Variants in ELK3 observed in about 807,000 individuals in gnomAD.
The protein encoded by ELK3 is ETS transcription factor ELK3.
A neutral mutation model predicts 28.9 loss-of-function variants in ELK3; 10 were observed. The ratio of observed to expected loss-of-function variants is 0.35; its 90% CI spans 0.21 to 0.59. The LOEUF is 0.59. Ranked by LOEUF, ELK3 falls within the 20% of genes least tolerant of loss-of-function variation. ELK3 has a pLI of 0.82. For missense variants in ELK3, 463 were observed against 517.3 expected, an observed-to-expected ratio of 0.90 and a Z score of 1.02; for synonymous variants, 272 against 243.5, an observed-to-expected ratio of 1.12 and a Z score of -1.09.
chr12:96,247,438 G>A lies in ELK3; in HGVS notation c.706G>A (p.Ala236Thr), dbSNP rs752081794. ...MLPNAASISS[A>T]SPFSSRSPSL... ...GCCAAACGCTGCCAGTATTTCATCC[G>A]CCTCACCCTTCTCATCTCGGTCCCC... Residue 236 changes from alanine to threonine, a missense_variant, in exon 3 of 5, where the codon GCC becomes ACC. Physicochemically the swap from Ala to Thr is moderately conservative, Grantham distance 58 (BLOSUM62 0). Around this residue, in one of 2 missense-constraint regions of ELK3, gnomAD observed 408 missense variants for 414.8 expected, o/e 0.98. Transcript: ENST00000228741. This position sits in a 1 kb window ranked among gnomAD's most constrained non-coding sequence, Gnocchi z 5.5. 6.8e-6 allele frequency: 11 copies of A among 1,613,828 alleles called. No individual in the cohort carries two copies. The East Asian group carries it at 8.9e-5, about 13-fold the overall frequency.
intron 2 of ELK3, among the ~76,000 whole-genome samples, chr12:96,245,414 C>T (rs1403075604): frequency 2.0e-5 from 3 of 152,108 alleles, no homozygotes; most frequent in Non-Finnish European, 4.4e-5. Flanking sequence ...CTCTCCATCC[C>T]TGGGATCTTG....
At position 96,267,549 on chromosome 12, in the gene ELK3, C is replaced by CTA. The variant is rs1952045588; in HGVS notation, c.*372_*373dup. 1 of 156,834 alleles carries CTA rather than the reference C, an allele frequency of 6.4e-6. No individual in the cohort carries two copies. Among genetic ancestry groups the CTA allele is most frequent in the African/African-American group, 2.4e-5 (1 of 41,496 alleles). 9.7% of individuals were successfully genotyped at this position (156,834 alleles called of 1,614,324 possible). A position where few individuals can be genotyped will look rare whatever the true frequency, so the allele number is the denominator to read the frequency against. On this transcript the variant is annotated 3_prime_UTR_variant, in exon 5 of 5. Transcript: ENST00000228741. ...ATGCTAAACTGTGTGCTTATATAGACTATAACCAGTTGTGCCTTCCTTCGC... is the reference window on the plus strand; with the variant it reads ...ATGCTAAACTGTGTGCTTATATAGACTATATAACCAGTTGTGCCTTCCTTCGC...
chr12:96,219,960 G>A (rs762442342), intron 1 of ELK3, among the ~76,000 whole-genome samples: 1 of 152,172 alleles, frequency 6.6e-6, no homozygotes, highest in Non-Finnish European at 1.5e-5. Flanking sequence ...CCTCAGACAG[G>A]AGAGGCTGGA....
intron 1 of ELK3, among the ~76,000 whole-genome samples, chr12:96,199,257 G>A (rs1281419049): frequency 6.6e-6 from 1 of 152,136 alleles, no homozygotes; most frequent in Non-Finnish European, 1.5e-5. Context: ...AGAGGAAGGT[G>A]TGTTTTGTAC....
intron 3 of ELK3, among the ~76,000 whole-genome samples, chr12:96,256,096 TG>T (rs1357843565): frequency 6.6e-6 from 1 of 152,094 alleles, no homozygotes; most frequent in Non-Finnish European, 1.5e-5. Flanking sequence ...GATTTGGCGA[TG>T]GGGTACAGAA....
chr12:96,221,788 G>T (rs959875527), intron 1 of ELK3, among the ~76,000 whole-genome samples: 6 of 152,172 alleles, frequency 3.9e-5, no homozygotes, highest in African/African-American at 1.4e-4. Context: ...GACCATTGTG[G>T]TTAATACTGA....
At chr12:96,232,431 A>T (rs901647273) in intron 2 of ELK3, among the ~76,000 whole-genome samples, 7 of 151,916 alleles carry the variant, frequency 4.6e-5, no homozygotes, top group Non-Finnish European at 8.8e-5. Context: ...TTAGCTGGGC[A>T]TGGTGGTGTG....
At position 96,269,218 on chromosome 12, in the gene ELK3, AAAAC is replaced by A. The variant is rs1266317084; in HGVS notation, c.*2046_*2049del. ...TGGTTCAAAACTACGTGTTATTAGT[AAAAC>A]AAACAAAACAGATAAAGACAGCATT... On this transcript the variant is annotated 3_prime_UTR_variant, in exon 5 of 5. Coordinates refer to ENST00000228741, the MANE Select transcript of ELK3 (RefSeq NM_005230.4). 4 of 152,230 alleles carry A rather than the reference AAAAC, an allele frequency of 2.6e-5. No individual in the cohort carries two copies. The highest frequency in any genetic ancestry group is 6.5e-5 in the Admixed American group (1 of 15,284). The allele number at this position is 152,230 out of a possible 1,614,324, so 9.4% of individuals were successfully genotyped here.
rs1565795526 is a variant in ELK3, at chr12:96,267,224, A to G, written c.*44A>G. On this transcript the variant is annotated 3_prime_UTR_variant, in exon 5 of 5. Coordinates refer to ENST00000228741, the MANE Select transcript of ELK3 (RefSeq NM_005230.4). Reference sequence around the variant, plus strand: ...AAGGACTCATTAACTGATGAAACAAATTTGTCCCCACGGGCTAGTTTACCT... The same window carrying G: ...AAGGACTCATTAACTGATGAAACAAGTTTGTCCCCACGGGCTAGTTTACCT... 6.4e-7 allele frequency: 1 copy of G among 1,559,072 alleles called. No individual in the cohort carries two copies. The highest frequency in any genetic ancestry group is 8.7e-7 in the Non-Finnish European group (1 of 1,142,862).
intron 2 of ELK3, among the ~76,000 whole-genome samples, chr12:96,230,443 TG>T (rs1951732599): frequency 6.6e-6 from 1 of 152,172 alleles, no homozygotes; most frequent in African/African-American, 2.4e-5. Context: ...CTATAAGTGA[TG>T]GTTCGATTCA....
At chr12:96,259,083 G>A (rs1342002823) in intron 3 of ELK3, among the ~76,000 whole-genome samples, 2 of 152,116 alleles carry the variant, frequency 1.3e-5, no homozygotes, top group South Asian at 2.1e-4. Flanking sequence ...CCCCTTTATG[G>A]GATCCTATTT....
Position 96,230,697 on chromosome 12 carries a change from G to A in ELK3, c.207+6924G>A, listed in dbSNP as rs965121542. The stretch of plus-strand genomic sequence containing the variant: ...CATGATTTTAATAGATGACTTAAAT[G>A]GGAAGAAAAGGCGACCCTGGGGGCG... On this transcript the variant is annotated intron_variant, in intron 2 of 4. Transcript: ENST00000228741. Among the ~76,000 whole-genome samples the A allele has an allele frequency of 5.3e-5, 8 of 152,304 alleles. No homozygotes were observed. In the East Asian group the frequency reaches 7.7e-4, roughly 15 times the overall value.
Position 96,246,978 on chromosome 12 carries a change from C to T in ELK3, c.246C>T (p.Tyr82=), listed in dbSNP as rs1592686187. The change falls in exon 3 of 5, where the codon TAC becomes TAT. Residue 82 remains tyrosine, a synonymous_variant. Coordinates refer to ENST00000228741, the MANE Select transcript of ELK3 (RefSeq NM_005230.4). ...AGGTGATCGGGCAGAAGTTTGTGTA[C>T]AAGTTTGTCTCTTTCCCGGAGATCC... The part of the protein sequence containing the change: ...IKKVIGQKFV[Y]KFVSFPEILK... The T allele has an allele frequency of 7.5e-6, 12 of 1,609,192 alleles. No homozygotes were observed. The East Asian group carries it at 2.7e-4, about 36-fold the overall frequency.
chr12:96,262,698 C>T (rs953314130), intron 4 of ELK3, among the ~76,000 whole-genome samples: 6 of 151,948 alleles, frequency 3.9e-5, no homozygotes, highest in East Asian at 3.9e-4. Flanking sequence ...ATTTTGAGAA[C>T]GGTAAACAAC....
chr12:96,196,992 T>C (rs1033423767), intron 1 of ELK3, among the ~76,000 whole-genome samples: 1 of 151,894 alleles, frequency 6.6e-6, no homozygotes, highest in Non-Finnish European at 1.5e-5. Flanking sequence ...CTTCACAGAG[T>C]AGGTGCTCAA....
intron 3 of ELK3, among the ~76,000 whole-genome samples, chr12:96,255,955 T>C (rs1951944894): frequency 3.3e-5 from 5 of 152,240 alleles, no homozygotes; most frequent in South Asian, 4.2e-4. Flanking sequence ...AAATGAGAGC[T>C]TAGTCCTCAG....
intron 2 of ELK3, among the ~76,000 whole-genome samples, chr12:96,226,538 A>G (rs1951701912): frequency 6.6e-6 from 1 of 150,448 alleles, no homozygotes; most frequent in African/African-American, 2.4e-5. Flanking sequence ...CCACATGTCC[A>G]CACAGATGTC....
At chr12:96,204,048 T>A (rs1951524159) in intron 1 of ELK3, among the ~76,000 whole-genome samples, 1 of 152,216 alleles carries the variant, frequency 6.6e-6, no homozygotes, top group Non-Finnish European at 1.5e-5. Flanking sequence ...GTTAGTTTGC[T>A]AGTATCCTGG....
At chr12:96,254,513 C>A (rs1951932319) in intron 3 of ELK3, among the ~76,000 whole-genome samples, 4 of 152,056 alleles carry the variant, frequency 2.6e-5, no homozygotes, top group Admixed American at 2.6e-4. Context: ...ACACAATAGC[C>A]CTTGGCAAGA....
Sources: allele counts gnomAD v4.1 joint callset (sites outside exome capture counted in the v4.1 genomes callset), GRCh38; gene constraint gnomAD v4.1.1; regional missense constraint gnomAD v4.1.1; non-coding constraint Gnocchi (gnomAD v3.1); transcripts MANE v1.5; gene names NCBI Gene and HGNC (gene_info 2026-07-23, HGNC 2026-07-21).